The following TENM2 variants were observed in gnomAD, a reference collection of about 807,000 sequenced individuals.
TENM2 encodes teneurin-2.
TENM2 carries 52 observed loss-of-function variants against 245.2 expected under a neutral mutation model. The ratio of observed to expected loss-of-function variants is 0.21; its 90% confidence interval spans 0.17 to 0.27. The LOEUF (loss-of-function observed/expected upper bound fraction) is 0.27. Ranked by LOEUF, TENM2 falls within the 10% of genes least tolerant of loss-of-function variation. TENM2 has a pLI of 1.00. For synonymous variants in TENM2, 1,363 were observed against 1,438.9 expected (o/e 0.95, Z 1.19); for missense variants, 3,046 against 3,666.8 (o/e 0.83, Z 4.37).
intron 12 of TENM2, chr5:168,139,468 T>G (rs1255039487): frequency 2.2e-6 from 1 of 456,482 alleles, no homozygotes; most frequent in East Asian, 7.0e-5. Context: ...AGGAAAACTT[T>G]GAGCTTTTAA....
chr5:168,262,430 G>A (rs753166386), exon 29 of TENM2: 44 of 1,577,650 alleles, frequency 2.8e-5, no homozygotes, highest in East Asian at 4.7e-5. Context: ...CGGGGTGAAC[G>A]TGACCGTGTC....
At chr5:167,074,097 C>T in the TENM2 span, among the ~76,000 whole-genome samples, 1 of 152,084 alleles carries the variant, frequency 6.6e-6, no homozygotes, top group Non-Finnish European at 1.5e-5. Context: ...TCTATAAGGA[C>T]CATTAATGCA....
chr5:167,792,436 G>A (rs561748539), intron 2 of TENM2, among the ~76,000 whole-genome samples: 1 of 152,046 alleles, frequency 6.6e-6, no homozygotes, highest in African/African-American at 2.4e-5. Context: ...ATTGTTTGTA[G>A]CACAGGTGCG....
the TENM2 span, among the ~76,000 whole-genome samples, chr5:167,247,175 T>C: frequency 6.6e-6 from 1 of 152,270 alleles, no homozygotes; most frequent in African/African-American, 2.4e-5. Flanking sequence ...TGAATTCTGA[T>C]GTGCTTTCTA....
chr5:167,840,284 C>T (rs1392577486), intron 2 of TENM2, among the ~76,000 whole-genome samples: 4 of 152,190 alleles, frequency 2.6e-5, no homozygotes, highest in African/African-American at 7.2e-5. Context: ...TGGCCCCTGA[C>T]TTTAATGCTA....
At chr5:167,444,200 C>A (rs1260977041) in intron 2 of TENM2, among the ~76,000 whole-genome samples, 1 of 151,994 alleles carries the variant, frequency 6.6e-6, no homozygotes, top group Non-Finnish European at 1.5e-5. Context: ...TTGAGAAACA[C>A]AATATTAACT....
chr5:167,768,167 A>G (rs976780586), intron 2 of TENM2, among the ~76,000 whole-genome samples: 6 of 152,172 alleles, frequency 3.9e-5, no homozygotes, highest in African/African-American at 1.4e-4. Context: ...TCCAAGCTAA[A>G]TAACCCTCAA....
chr5:167,776,332 C>T (rs1257929078), intron 2 of TENM2, among the ~76,000 whole-genome samples: 1 of 151,838 alleles, frequency 6.6e-6, no homozygotes, highest in Non-Finnish European at 1.5e-5. Flanking sequence ...CATGGTGGCT[C>T]ATGCCTGTAA....
intron 2 of TENM2, among the ~76,000 whole-genome samples, chr5:167,423,544 T>C (rs1763634007): frequency 6.6e-6 from 1 of 152,100 alleles, no homozygotes; most frequent in Non-Finnish European, 1.5e-5. Flanking sequence ...CATTGAAGGA[T>C]TGATGTGCCT....
intron 1 of TENM2, among the ~76,000 whole-genome samples, chr5:167,327,510 G>C (rs754216404): frequency 6.6e-6 from 1 of 152,132 alleles, no homozygotes; most frequent in Non-Finnish European, 1.5e-5. Context: ...AGTATCTGGC[G>C]CATAGACACC....
At chr5:168,196,706 T>C (rs1161826282) in intron 15 of TENM2, among the ~76,000 whole-genome samples, 1 of 152,110 alleles carries the variant, frequency 6.6e-6, no homozygotes, top group Non-Finnish European at 1.5e-5. Context: ...AAGTGATCCA[T>C]CCACCTTGGC....
chr5:167,560,100 C>T (rs1773491476), intron 2 of TENM2, among the ~76,000 whole-genome samples: 2 of 152,060 alleles, frequency 1.3e-5, no homozygotes, highest in Admixed American at 1.3e-4. Flanking sequence ...CAGTGACCTG[C>T]TTGAAGTGAG....
At chr5:168,133,663 A>T (rs1436071197) in intron 12 of TENM2, among the ~76,000 whole-genome samples, 1 of 152,194 alleles carries the variant, frequency 6.6e-6, no homozygotes. Flanking sequence ...TTGTCTGCTC[A>T]CCTCAGCTCC....
chr5:167,665,121 C>T (rs917221230), intron 2 of TENM2, among the ~76,000 whole-genome samples: 1 of 152,206 alleles, frequency 6.6e-6, no homozygotes, highest in African/African-American at 2.4e-5. Flanking sequence ...TATGTCCTAA[C>T]TGTGTGACCT....
the TENM2 span, among the ~76,000 whole-genome samples, chr5:167,203,849 G>GA: frequency 2.7e-5 from 4 of 150,194 alleles, no homozygotes; most frequent in Non-Finnish European, 3.0e-5. Flanking sequence ...CTTGCATACC[G>GA]AAAAAAAAGG....
chr5:168,013,667 C>T (rs1454824747), intron 5 of TENM2, among the ~76,000 whole-genome samples: 1 of 152,112 alleles, frequency 6.6e-6, no homozygotes, highest in South Asian at 2.1e-4. Flanking sequence ...GAAATAGATG[C>T]AACAGCTACT....
chr5:167,800,309 G>A (rs1484685015), intron 2 of TENM2, among the ~76,000 whole-genome samples: 2 of 152,140 alleles, frequency 1.3e-5, no homozygotes, highest in African/African-American at 4.8e-5. Context: ...TCTAGTAGTA[G>A]CTCCATAGTC....
At chr5:167,449,344 A>G (rs995124567) in intron 2 of TENM2, among the ~76,000 whole-genome samples, 2 of 152,180 alleles carry the variant, frequency 1.3e-5, no homozygotes, top group Non-Finnish European at 2.9e-5. Flanking sequence ...ATGAGGATTT[A>G]TGGTGAGCAG....
the TENM2 span, among the ~76,000 whole-genome samples, chr5:167,042,221 G>A: frequency 6.6e-6 from 1 of 152,054 alleles, no homozygotes. Flanking sequence ...TGTTCCTTTC[G>A]ATGTAATATG....
Sources: gnomAD v4.1 joint callset for allele counts (sites outside exome capture counted in the v4.1 genomes callset) on GRCh38, gnomAD v4.1.1 for gene constraint, MANE v1.5 for transcripts, NCBI Gene and HGNC (gene_info 2026-07-23, HGNC 2026-07-21) for gene names.